Variants in APBA1 observed in about 807,000 individuals in gnomAD.
APBA1 encodes amyloid-beta A4 precursor protein-binding family A member 1.
In APBA1, 55 loss-of-function variants were observed where a neutral mutation model predicts 86.6. That is an observed-to-expected ratio of 0.64 (90% CI 0.51 to 0.80). The LOEUF is 0.80. Ranked by LOEUF, APBA1 falls within the 30% of genes least tolerant of loss-of-function variation. The probability of loss-of-function intolerance (pLI) is 0.00; values close to 1 mark genes in which losing one functional copy is unlikely to be tolerated. For synonymous variants in APBA1, 511 were observed against 493.9 expected, an observed-to-expected ratio of 1.03 and a Z score of -0.46; for missense variants, 1,090 against 1,183.0, an observed-to-expected ratio of 0.92 and a Z score of 1.15.
intron 1 of APBA1, among the ~76,000 whole-genome samples, chr9:69,616,435 C>T (rs1021277828): frequency 5.3e-5 from 8 of 152,120 alleles, no homozygotes; most frequent in Admixed American, 1.3e-4. Flanking sequence ...CCTAGGTTCA[C>T]GGCTCAAAAC....
At chr9:69,448,366 C>T (rs1834946786) in intron 10 of APBA1, among the ~76,000 whole-genome samples, 1 of 152,188 alleles carries the variant, frequency 6.6e-6, no homozygotes, top group Non-Finnish European at 1.5e-5. Flanking sequence ...GAATGAATAT[C>T]CATGTTCAAA....
At chr9:69,628,304 C>G (rs757005370) in intron 1 of APBA1, among the ~76,000 whole-genome samples, 1 of 152,126 alleles carries the variant, frequency 6.6e-6, no homozygotes, top group Non-Finnish European at 1.5e-5. Context: ...TGATTGTGAC[C>G]CTGACCTGTG....
intron 2 of APBA1, among the ~76,000 whole-genome samples, chr9:69,476,718 C>G (rs1835453504): frequency 2.0e-5 from 3 of 152,172 alleles, no homozygotes. Context: ...ATTTTAACAT[C>G]CAAACACTAC....
chr9:69,437,510 G>T (rs902838932), intron 11 of APBA1, among the ~76,000 whole-genome samples: 7 of 110,204 alleles, frequency 6.4e-5, no homozygotes, highest in African/African-American at 2.2e-4. Context: ...TCTTGGGAGG[G>T]TGTATGTGTT....
At position 69,452,109 on chromosome 9, in the gene APBA1, G is replaced by A. The variant is rs183687425; in HGVS notation, c.1968+13C>T. On this transcript the variant is annotated intron_variant, in intron 9 of 12. Transcript: ENST00000265381. ...TGACCCAGCCTGGAGAACAGCTTCA[G>A]GTAAGTACCCACATCTTTACAGTTT... 1.7e-5 allele frequency: 27 copies of A among 1,612,582 alleles called. 1 individual carries two copies. Among genetic ancestry groups the A allele is most frequent in the Admixed American group, 8.3e-5 (5 of 59,944 alleles).
chr9:69,642,793 C>T (rs1823314374), intron 1 of APBA1, among the ~76,000 whole-genome samples: 1 of 151,670 alleles, frequency 6.6e-6, no homozygotes, highest in South Asian at 2.1e-4. Flanking sequence ...CAGTTGAAGG[C>T]ATTACGAGAA....
At position 69,667,727 on chromosome 9, in the gene APBA1, C is replaced by A. The variant is rs530190105; in HGVS notation, c.-70+4426G>T. ...AAAATACCACTTTCCCTCTACTACA[C>A]CATTGTTGTGATATATCATACTCTC... On this transcript the variant is annotated intron_variant, in intron 1 of 12. Transcript: ENST00000265381. 2.6e-5 allele frequency among the ~76,000 whole-genome samples: 4 copies of A among 151,968 alleles called. No individual in the cohort carries two copies. In the East Asian group the frequency reaches 7.7e-4, roughly 29 times the overall value.
At chr9:69,489,423 T>C (rs996711867) in intron 2 of APBA1, among the ~76,000 whole-genome samples, 6 of 152,242 alleles carry the variant, frequency 3.9e-5, no homozygotes, top group South Asian at 2.1e-4. Context: ...TGGCTAGCCA[T>C]ATGTAGAAAC....
At chr9:69,560,282 A>G (rs1322660925) in intron 1 of APBA1, among the ~76,000 whole-genome samples, 1 of 152,014 alleles carries the variant, frequency 6.6e-6, no homozygotes, top group African/African-American at 2.4e-5. Flanking sequence ...TATTTTAACC[A>G]ATTTTTCTAT....
chr9:69,451,144 T>C (rs182087626), intron 9 of APBA1, among the ~76,000 whole-genome samples: 1 of 152,264 alleles, frequency 6.6e-6, no homozygotes, highest in Non-Finnish European at 1.5e-5. Flanking sequence ...GCTCCCTCGC[T>C]CCAAGGTGAG....
chr9:69,490,664 GGCAACCTACAGAATGGGAGAAAATTTTT>G (rs1443448793), intron 2 of APBA1, among the ~76,000 whole-genome samples: 2 of 151,998 alleles, frequency 1.3e-5, no homozygotes, highest in South Asian at 2.1e-4. Context: ...AGAGTGAACA[GGCAACCTACAGAATGGGAGAAAATTTTT>G]GCAATCCACT....
At chr9:69,568,613 G>A (rs1837067713) in intron 1 of APBA1, among the ~76,000 whole-genome samples, 1 of 152,168 alleles carries the variant, frequency 6.6e-6, no homozygotes, top group Admixed American at 6.5e-5. Flanking sequence ...TATAAAAAGT[G>A]TGAAACTCAT....
At position 69,535,971 on chromosome 9, in the gene APBA1, T is replaced by A. The variant is rs578212536; in HGVS notation, c.-69-18692A>T. Among the ~76,000 whole-genome samples the A allele has an allele frequency of 1.2e-4, 19 of 152,192 alleles. 1 individual carries two copies. The South Asian group carries it at 3.9e-3, about 32-fold the overall frequency. Reference sequence around the variant, plus strand: ...TCTTGGTCTCTCTCTTTCATGTTGCTATTTTCCCCCACATATTTGGTGATT... The same window carrying A: ...TCTTGGTCTCTCTCTTTCATGTTGCAATTTTCCCCCACATATTTGGTGATT... On this transcript the variant is annotated intron_variant, in intron 1 of 12. Transcript: ENST00000265381.
intron 1 of APBA1, among the ~76,000 whole-genome samples, chr9:69,561,816 A>G (rs1836950254): frequency 6.6e-6 from 1 of 152,020 alleles, no homozygotes; most frequent in Admixed American, 6.5e-5. Flanking sequence ...CAGTAGAGAC[A>G]GGGTTTCGTC....
intron 1 of APBA1, among the ~76,000 whole-genome samples, chr9:69,553,260 A>G (rs1163309507): frequency 6.6e-6 from 1 of 152,152 alleles, no homozygotes; most frequent in Non-Finnish European, 1.5e-5. Context: ...TAAATGTACA[A>G]TTTGATGAAT....
intron 5 of APBA1, chr9:69,464,928 A>C (rs1427370924): frequency 6.6e-6 from 1 of 152,186 alleles, no homozygotes; most frequent in Non-Finnish European, 1.5e-5. Context: ...CTGAACCTTA[A>C]AATGTTTGAA....
At chr9:69,449,064 T>C (rs181990055) in intron 10 of APBA1, among the ~76,000 whole-genome samples, 1 of 152,320 alleles carries the variant, frequency 6.6e-6, no homozygotes, top group East Asian at 1.9e-4. Context: ...TCCTCCTCCT[T>C]CTGGCAATGA....
At chr9:69,658,378 TTC>T (rs1349869680) in intron 1 of APBA1, among the ~76,000 whole-genome samples, 1 of 148,624 alleles carries the variant, frequency 6.7e-6, no homozygotes, top group Admixed American at 6.8e-5. Context: ...CTGTCTCTCT[TTC>T]TCTCTTTCTT....
Position 69,432,575 on chromosome 9 carries a change from G to A in APBA1, c.2403C>T (p.His801=), listed in dbSNP as rs142971150. ...INGQSVVATP[H]EKIVHILSNA... ...TGGAGAGAATGTGGACGATCTTCTC[G>A]TGGGGGGTGGCCACGACGCTCTGTC... Residue 801 remains histidine, a synonymous_variant, in exon 12 of 13, where the codon CAC becomes CAT. Transcript: ENST00000265381. 95 of 1,601,032 alleles carry A rather than the reference G, an allele frequency of 5.9e-5. No individual in the cohort carries two copies. The highest frequency in any genetic ancestry group is 3.3e-4 in the Middle Eastern group (2 of 6,028).
Sources: allele counts gnomAD v4.1 joint callset (sites outside exome capture counted in the v4.1 genomes callset), GRCh38; gene constraint gnomAD v4.1.1; transcripts MANE v1.5; gene names NCBI Gene and HGNC (gene_info 2026-07-23, HGNC 2026-07-21).